The following HBS1L variants were observed in gnomAD, a reference collection of about 807,000 sequenced individuals.
The protein encoded by HBS1L is HBS1-like protein.
A neutral mutation model predicts 88.9 loss-of-function variants in HBS1L; 55 were observed. The observed-to-expected ratio is 0.62, with a 90% CI of 0.50 to 0.77. The LOEUF (loss-of-function observed/expected upper bound fraction) is 0.77. Ranked by LOEUF, HBS1L falls within the 30% of genes least tolerant of loss-of-function variation. HBS1L has a pLI of 0.00. For synonymous variants in HBS1L, 267 were observed against 288.5 expected, an observed-to-expected ratio of 0.93 and a Z score of 0.76; for missense variants, 741 against 829.3, an observed-to-expected ratio of 0.89 and a Z score of 1.31.
intron 1 of HBS1L, among the ~76,000 whole-genome samples, 160 bp downstream of exon 1, chr6:135,054,489 T>G (rs1159574344): frequency 6.6e-6 from 1 of 152,182 alleles, no homozygotes; most frequent in Non-Finnish European, 1.5e-5. Context: ...ACGACGGCAT[T>G]TGAAAGCACT....
chr6:135,001,822 C>T (rs1300040403), intron 5 of HBS1L, among the ~76,000 whole-genome samples: 1 of 151,258 alleles, frequency 6.6e-6, no homozygotes, highest in Non-Finnish European at 1.5e-5. Context: ...AGGTGATAAA[C>T]ATTCTTCCCA....
chr6:135,015,524 T>G (rs1775894709), intron 4 of HBS1L, among the ~76,000 whole-genome samples: 1 of 152,178 alleles, frequency 6.6e-6, no homozygotes, highest in South Asian at 2.1e-4. Flanking sequence ...TGAAGTTGAA[T>G]GTATACAAAA....
chr6:135,053,098 G>A (rs1275643922), intron 1 of HBS1L, among the ~76,000 whole-genome samples: 1 of 152,170 alleles, frequency 6.6e-6, no homozygotes, highest in Non-Finnish European at 1.5e-5. Context: ...TTTCAAAGAA[G>A]CATGACAACA....
intron 4 of HBS1L, among the ~76,000 whole-genome samples, chr6:135,005,773 C>T (rs1191572607): frequency 6.6e-6 from 1 of 152,120 alleles, no homozygotes; most frequent in Non-Finnish European, 1.5e-5. Flanking sequence ...GGGAGAAACG[C>T]TCTTTTATTG....
At chr6:135,015,389 T>C (rs1169538495) in intron 4 of HBS1L, among the ~76,000 whole-genome samples, 1 of 152,176 alleles carries the variant, frequency 6.6e-6, no homozygotes, top group Non-Finnish European at 1.5e-5. Flanking sequence ...GGCTGATTAG[T>C]GGAGTTCTCG....
At chr6:135,012,413 A>C (rs1775801926) in intron 4 of HBS1L, among the ~76,000 whole-genome samples, 1 of 152,180 alleles carries the variant, frequency 6.6e-6, no homozygotes, top group African/African-American at 2.4e-5. Flanking sequence ...TTCAATTCAA[A>C]CTTTATATAC....
chr6:134,985,028 T>C (rs1445726402), intron 12 of HBS1L, among the ~76,000 whole-genome samples: 1 of 151,926 alleles, frequency 6.6e-6, no homozygotes, highest in Non-Finnish European at 1.5e-5. Flanking sequence ...CAATCCAGTT[T>C]GGTTGAAGGA....
At chr6:135,054,133 A>T (rs1777170778) in intron 1 of HBS1L, among the ~76,000 whole-genome samples, 1 of 152,254 alleles carries the variant, frequency 6.6e-6, no homozygotes, top group Admixed American at 6.5e-5. Flanking sequence ...TTGAAAAATA[A>T]ATTAGCGCAA....
Position 134,963,634 on chromosome 6 carries a change from C to T in HBS1L, c.*1645G>A, listed in dbSNP as rs1774235072. The T allele has an allele frequency of 6.6e-6, 1 of 152,206 alleles. No individual in the cohort carries two copies. Among genetic ancestry groups the T allele is most frequent in the African/African-American group, 2.4e-5 (1 of 41,412 alleles). The allele number at this position is 152,206 out of a possible 1,614,324, so 9.4% of individuals were successfully genotyped here. ...ACATGGTCTCACTATATTGCCTTAG[C>T]TGGTCTCAAACTCCTGGGCTCACGC... is the stretch of plus-strand genomic sequence containing the variant. On this transcript the variant is annotated 3_prime_UTR_variant, in exon 18 of 18. Coordinates refer to ENST00000367837, the MANE Select transcript of HBS1L (RefSeq NM_006620.4).
chr6:134,984,159 T>A (rs1562279685), intron 12 of HBS1L, among the ~76,000 whole-genome samples: 1 of 152,192 alleles, frequency 6.6e-6, no homozygotes, highest in Non-Finnish European at 1.5e-5. Flanking sequence ...AACCACCTCT[T>A]GTATTCTTGA....
intron 4 of HBS1L, among the ~76,000 whole-genome samples, chr6:135,028,921 A>G (rs1300989147): frequency 2.0e-5 from 3 of 152,066 alleles, no homozygotes; most frequent in African/African-American, 7.2e-5. Context: ...TATGGGAAAA[A>G]GAGGCATGTG....
intron 16 of HBS1L, 137 bp downstream of exon 16, chr6:134,969,099 CTA>C: frequency 1.6e-6 from 1 of 624,892 alleles, no homozygotes. Context: ...TTGTTTTAAT[CTA>C]GCCCTTGAAA....
intron 4 of HBS1L, among the ~76,000 whole-genome samples, chr6:135,033,839 T>C (rs932240780): frequency 6.6e-6 from 1 of 152,238 alleles, no homozygotes; most frequent in Non-Finnish European, 1.5e-5. Context: ...GTGCAGCACC[T>C]AACCTATCAG....
At chr6:134,971,844 T>C (rs934670074) in intron 15 of HBS1L, among the ~76,000 whole-genome samples, 1 of 152,106 alleles carries the variant, frequency 6.6e-6, no homozygotes, top group Non-Finnish European at 1.5e-5. Context: ...TATCTGTAAA[T>C]AGGAACCATA....
Position 134,986,771 on chromosome 6 carries a change from T to C in HBS1L, c.1270A>G (p.Lys424Glu), listed in dbSNP as rs143314030. The C allele has an allele frequency of 1.1e-5, 17 of 1,573,522 alleles. No homozygotes were observed. Among genetic ancestry groups the C allele is most frequent in the Non-Finnish European group, 1.4e-5 (16 of 1,159,740 alleles). ...QQERFQEITG[K>E]LGHFLKQAGF... ...GCTTGCTTAAGAAAGTGCCCAAGTTTTCCAGTAATCTCTTGAAACCTTTCT... is the reference window on the plus strand; with the variant it reads ...GCTTGCTTAAGAAAGTGCCCAAGTTCTCCAGTAATCTCTTGAAACCTTTCT... The change falls in exon 10 of 18, where the codon AAA becomes GAA. Residue 424 changes from lysine to glutamate, a missense_variant. By Grantham distance (56) the Lys-to-Glu change is moderately conservative (BLOSUM62 1). Transcript: ENST00000367837.
At chr6:134,991,479 A>G (rs1368149780) in intron 8 of HBS1L, among the ~76,000 whole-genome samples, 8 of 152,200 alleles carry the variant, frequency 5.3e-5, no homozygotes, top group Admixed American at 5.2e-4. Flanking sequence ...CACATGGAGG[A>G]ATGACTGTAT....
chr6:135,017,069 T>A (rs1461493466), intron 4 of HBS1L, among the ~76,000 whole-genome samples: 1 of 152,204 alleles, frequency 6.6e-6, no homozygotes, highest in Non-Finnish European at 1.5e-5. Flanking sequence ...AAACAATTTG[T>A]TCACACCCGT....
At chr6:135,001,188 GTAAAAGGAA>G (rs1775444020) in intron 5 of HBS1L, among the ~76,000 whole-genome samples, 1 of 152,020 alleles carries the variant, frequency 6.6e-6, no homozygotes, top group Non-Finnish European at 1.5e-5. Flanking sequence ...TAACTATTCT[GTAAAAGGAA>G]TACAGTGATG....
chr6:134,974,959 G>C (rs1774601570), intron 15 of HBS1L, among the ~76,000 whole-genome samples: 1 of 152,142 alleles, frequency 6.6e-6, no homozygotes, highest in Non-Finnish European at 1.5e-5. Flanking sequence ...TTGGAAAAGA[G>C]TAAGTCAAAC....
Sources: gnomAD v4.1 joint callset for allele counts (sites outside exome capture counted in the v4.1 genomes callset) on GRCh38, gnomAD v4.1.1 for gene constraint, MANE v1.5 for transcripts, NCBI Gene and HGNC (gene_info 2026-07-23, HGNC 2026-07-21) for gene names.